Variants in CRY1 observed in about 807,000 individuals in gnomAD.
The protein encoded by CRY1 is cryptochrome circadian regulator 1.
CRY1 carries 45 observed loss-of-function variants against 76.0 expected under a neutral mutation model. The ratio of observed to expected loss-of-function variants is 0.59; its 90% CI spans 0.47 to 0.76. The LOEUF is 0.76. CRY1 is among the 30% of genes least tolerant of loss of function. The pLI is 0.00. For missense variants in CRY1, 587 were observed against 716.4 expected (o/e 0.82, Z 2.06); for synonymous variants, 248 against 244.0 (o/e 1.02, Z -0.15).
At chr12:107,082,646 T>C (rs1953341841) in intron 1 of CRY1, among the ~76,000 whole-genome samples, 1 of 152,114 alleles carries the variant, frequency 6.6e-6, no homozygotes, top group Admixed American at 6.6e-5. Flanking sequence ...TTGACACCAA[T>C]GAGAACAAAG....
intron 2 of CRY1, among the ~76,000 whole-genome samples, chr12:107,018,303 G>C (rs1162766900): frequency 6.6e-6 from 1 of 152,198 alleles, no homozygotes; most frequent in Admixed American, 6.5e-5. Context: ...TAATGAGGCT[G>C]GGCACAGTGG....
chr12:107,012,284 T>G (rs1440168280), intron 2 of CRY1, among the ~76,000 whole-genome samples: 1 of 152,256 alleles, frequency 6.6e-6, no homozygotes, highest in African/African-American at 2.4e-5. Flanking sequence ...CTGGTGACTT[T>G]AAGTTGAAGC....
chr12:107,059,217 A>C lies in CRY1; in HGVS notation c.158+33587T>G, dbSNP rs529259228. On this transcript the variant is annotated intron_variant, in intron 1 of 12. Coordinates refer to ENST00000008527, the MANE Select transcript of CRY1 (RefSeq NM_004075.5). ...TTTAATGTAAGTTACAACCCCCCAA[A>C]TTGATATCATAACCAAAAATGGGAC... Among the ~76,000 whole-genome samples, 15 of 152,258 alleles carry C rather than the reference A, an allele frequency of 9.9e-5. No individual in the cohort carries two copies. The South Asian group carries it at 2.1e-3, about 21-fold the overall frequency.
chr12:107,005,260 G>A lies in CRY1; in HGVS notation c.268-12C>T, dbSNP rs914417295. On this transcript the variant is annotated splice_polypyrimidine_tract_variant and intron_variant, in intron 2 of 12. Transcript: ENST00000008527. ...GTAATGTTCCATTCCTAAAGTAAGA[G>A]AAAGGGGAACAATGTACACCAATTG... 1.7e-5 allele frequency: 28 copies of A among 1,603,652 alleles called. No individual in the cohort carries two copies. Among genetic ancestry groups the A allele is most frequent in the Non-Finnish European group, 2.3e-5 (27 of 1,175,684 alleles).
chr12:107,001,499 A>T (rs1952310768), intron 4 of CRY1, 131 bp from the exon 5 acceptor site: 4 of 785,860 alleles, frequency 5.1e-6, no homozygotes. Flanking sequence ...AGGCCTAAAT[A>T]AGCCCTCACC....
intron 1 of CRY1, among the ~76,000 whole-genome samples, chr12:107,089,585 G>A (rs1028031281): frequency 5.9e-5 from 9 of 152,126 alleles, no homozygotes; most frequent in African/African-American, 2.2e-4. Context: ...GTGCTTATTA[G>A]GTAGAATACT....
At chr12:107,021,239 C>A (rs898413973) in intron 2 of CRY1, among the ~76,000 whole-genome samples, 1 of 152,008 alleles carries the variant, frequency 6.6e-6, no homozygotes, top group African/African-American at 2.4e-5. Flanking sequence ...GCTGAGATTG[C>A]GCCATTGCAC....
chr12:106,999,854 C>A lies in CRY1; in HGVS notation c.834G>T (p.Lys278Asn). Residue 278 changes from lysine to asparagine, a missense_variant, in exon 7 of 13, where the codon AAG becomes AAT. Physicochemically the swap from Lys to Asn is moderately conservative, Grantham distance 94. Transcript: ENST00000008527. ...KLTDLYKKVK[K>N]NSSPPLSLYG... is the part of the protein sequence containing the mutation. ...AAAGGGAAAGGGGAGGGGAACTGTT[C>A]TTCTTTACCTATGGTTAAAAAGCAA... 1 of 1,606,252 alleles carries A rather than the reference C, an allele frequency of 6.2e-7. No homozygotes were observed. Among genetic ancestry groups the A allele is most frequent in the Non-Finnish European group, 8.5e-7 (1 of 1,177,350 alleles).
At chr12:107,031,880 G>A (rs1046376311) in intron 1 of CRY1, among the ~76,000 whole-genome samples, 1 of 152,166 alleles carries the variant, frequency 6.6e-6, no homozygotes, top group African/African-American at 2.4e-5. Context: ...GAAAAACTTA[G>A]TGGAAATCTG....
chr12:107,081,579 G>A (rs1261548008), intron 1 of CRY1, among the ~76,000 whole-genome samples: 3 of 151,950 alleles, frequency 2.0e-5, no homozygotes, highest in Non-Finnish European at 4.4e-5. Flanking sequence ...ATTCAATACT[G>A]TATACCCAGC....
At chr12:107,086,195 C>T (rs1675222656) in intron 1 of CRY1, among the ~76,000 whole-genome samples, 1 of 152,082 alleles carries the variant, frequency 6.6e-6, no homozygotes, top group South Asian at 2.1e-4. Context: ...GACATGGCTG[C>T]TTCTAACAGC....
At chr12:107,036,023 A>T (rs141045958) in intron 1 of CRY1, among the ~76,000 whole-genome samples, 22 of 152,324 alleles carry the variant, frequency 1.4e-4, no homozygotes, top group Non-Finnish European at 3.2e-4. Flanking sequence ...CCAGCTAGTT[A>T]TCTTCTAATG....
Position 106,993,048 on chromosome 12 carries a change from TA to T in CRY1, c.1586-13del. 1 of 1,612,456 alleles carries T rather than the reference TA, an allele frequency of 6.2e-7. No individual in the cohort carries two copies. On this transcript the variant is annotated splice_polypyrimidine_tract_variant and intron_variant, in intron 10 of 12. Transcript: ENST00000008527. ...CCCTTGAGAGCAACCTGTTAGTATT[TA>T]AAACACAGTAAAATTACTTAAAATC...
At chr12:107,069,349 C>T (rs753685598) in intron 1 of CRY1, among the ~76,000 whole-genome samples, 3 of 151,106 alleles carry the variant, frequency 2.0e-5, no homozygotes, top group Non-Finnish European at 4.4e-5. Context: ...CTCAGCCTCC[C>T]GAGTAGCTGG....
At chr12:106,998,945 G>A (rs1952267489) in intron 7 of CRY1, among the ~76,000 whole-genome samples, 1 of 151,556 alleles carries the variant, frequency 6.6e-6, no homozygotes, top group South Asian at 2.1e-4. Flanking sequence ...GGGAGGTTGA[G>A]GCAGGAGAAT....
At position 107,086,001 on chromosome 12, in the gene CRY1, G is replaced by A. The variant is rs562369133; in HGVS notation, c.158+6803C>T. The stretch of plus-strand genomic sequence containing the variant: ...TAGACAGTAAAGGCCACGTTCATGA[G>A]ATCTCAAATAAAATTTTTAAAAACT... On this transcript the variant is annotated intron_variant, in intron 1 of 12. Coordinates refer to ENST00000008527, the MANE Select transcript of CRY1 (RefSeq NM_004075.5). Among the ~76,000 whole-genome samples, 72 of 152,170 alleles carry A rather than the reference G, an allele frequency of 4.7e-4. No homozygotes were observed. In the South Asian group the frequency reaches 7.3e-3, roughly 15 times the overall value.
chr12:107,011,755 G>C (rs1036481370), intron 2 of CRY1, among the ~76,000 whole-genome samples: 1 of 152,210 alleles, frequency 6.6e-6, no homozygotes, highest in African/African-American at 2.4e-5. Context: ...AACAAGTGCT[G>C]GGTGGAGAAG....
chr12:107,081,647 C>G (rs1480625388), intron 1 of CRY1, among the ~76,000 whole-genome samples: 1 of 152,154 alleles, frequency 6.6e-6, no homozygotes, highest in South Asian at 2.1e-4. Flanking sequence ...ATTTAAGAGG[C>G]AACTTCTCTT....
chr12:107,000,354 C>CTT (rs1008918970), intron 5 of CRY1, among the ~76,000 whole-genome samples: 4 of 147,038 alleles, frequency 2.7e-5, no homozygotes, highest in African/African-American at 1.0e-4. Context: ...ATCTCTCTCT[C>CTT]TTTTTTTTTT....
Sources: gnomAD v4.1 joint callset for allele counts (sites outside exome capture counted in the v4.1 genomes callset) on GRCh38, gnomAD v4.1.1 for gene constraint, MANE v1.5 for transcripts, NCBI Gene and HGNC (gene_info 2026-07-23, HGNC 2026-07-21) for gene names.